SGMS2: variants seen among roughly 807,000 people sequenced by gnomAD.
The protein encoded by SGMS2 is sphingomyelin synthase 2, also known as phosphatidylcholine:ceramide cholinephosphotransferase 2.
In SGMS2, 21 loss-of-function variants were observed where a neutral mutation model predicts 43.8. That is an observed-to-expected ratio of 0.48 (90% CI 0.34 to 0.69). The LOEUF (loss-of-function observed/expected upper bound fraction) is 0.69, where lower values mean the gene tolerates loss of function less well. Ranked by LOEUF, SGMS2 falls within the 30% of genes least tolerant of loss-of-function variation. The pLI is 0.01. For synonymous variants in SGMS2, 167 were observed against 160.6 expected, an observed-to-expected ratio of 1.04 and a Z score of -0.30; for missense variants, 384 against 443.2, an observed-to-expected ratio of 0.87 and a Z score of 1.20.
chr4:107,835,137 G>A (rs927238858), intron 1 of SGMS2, among the ~76,000 whole-genome samples: 8 of 152,194 alleles, frequency 5.3e-5, no homozygotes, highest in Admixed American at 3.3e-4. Flanking sequence ...GTACAATGTA[G>A]CAATAGCACT....
intron 4 of SGMS2, among the ~76,000 whole-genome samples, chr4:107,900,356 T>G (rs1325221100): frequency 6.6e-6 from 1 of 152,156 alleles, no homozygotes; most frequent in Admixed American, 6.5e-5. Flanking sequence ...GGTTGGGGTG[T>G]GCAGACCACA....
chr4:107,871,956 G>C (rs2126059435), intron 2 of SGMS2, among the ~76,000 whole-genome samples: 1 of 151,934 alleles, frequency 6.6e-6, no homozygotes, highest in Middle Eastern at 3.4e-3. Flanking sequence ...AACAGCACTG[G>C]GATGATCAAT....
chr4:107,878,390 T>C (rs1294492531), intron 2 of SGMS2, among the ~76,000 whole-genome samples: 1 of 152,180 alleles, frequency 6.6e-6, no homozygotes, highest in Non-Finnish European at 1.5e-5. Context: ...AAATGCATGA[T>C]ATGCTCCCCA....
intron 5 of SGMS2, chr4:107,908,289 TA>T (rs754687983): frequency 3.8e-5 from 12 of 318,808 alleles, no homozygotes; most frequent in Non-Finnish European, 6.3e-5. Context: ...TCTTTCTTAC[TA>T]AACAGCTTAT....
At chr4:107,849,835 T>C (rs1652325092) in intron 1 of SGMS2, among the ~76,000 whole-genome samples, 1 of 152,210 alleles carries the variant, frequency 6.6e-6, no homozygotes, top group Admixed American at 6.5e-5. Flanking sequence ...ATTATTACAT[T>C]ATTACAATTT....
chr4:107,902,154 G>A (rs1731171359), intron 4 of SGMS2, among the ~76,000 whole-genome samples: 1 of 150,318 alleles, frequency 6.7e-6, no homozygotes, highest in African/African-American at 2.4e-5. Context: ...CCTGACCTCA[G>A]ATACTTACCT....
intron 1 of SGMS2, among the ~76,000 whole-genome samples, chr4:107,829,715 C>G (rs1725780710): frequency 6.6e-6 from 1 of 152,014 alleles, no homozygotes; most frequent in Non-Finnish European, 1.5e-5. Context: ...TTTCACTATA[C>G]CCCATTTACT....
At chr4:107,908,509 A>G in intron 5 of SGMS2, 56 bp from the exon 6 acceptor site, 6 of 1,539,264 alleles carry the variant, frequency 3.9e-6, no homozygotes, top group Non-Finnish European at 5.3e-6. Context: ...ACAGACTGTA[A>G]TCATTACATT....
intron 2 of SGMS2, among the ~76,000 whole-genome samples, chr4:107,861,722 G>A (rs939967544): frequency 6.6e-6 from 1 of 152,178 alleles, no homozygotes; most frequent in African/African-American, 2.4e-5. Flanking sequence ...ACATGTTTAA[G>A]TTGAAAATCT....
chr4:107,841,631 A>G (rs1482371879), intron 1 of SGMS2, among the ~76,000 whole-genome samples: 1 of 151,758 alleles, frequency 6.6e-6, no homozygotes, highest in African/African-American at 2.4e-5. Context: ...AAAATTTTTT[A>G]TTTTTTATGG....
At chr4:107,897,796 A>T (rs1344313712) in intron 3 of SGMS2, among the ~76,000 whole-genome samples, 1 of 152,204 alleles carries the variant, frequency 6.6e-6, no homozygotes, top group Non-Finnish European at 1.5e-5. Context: ...TAACTAGTAG[A>T]ATAATTTTTA....
At chr4:107,867,134 G>A (rs192833877) in intron 2 of SGMS2, 1 of 152,236 alleles carries the variant, frequency 6.6e-6, no homozygotes, top group Admixed American at 6.5e-5. Context: ...ACATGCACAT[G>A]GCCTCCCCAA....
intron 2 of SGMS2, among the ~76,000 whole-genome samples, chr4:107,882,391 T>G (rs932155646): frequency 2.6e-5 from 4 of 152,248 alleles, no homozygotes; most frequent in African/African-American, 9.6e-5. Context: ...TATAGCTGTT[T>G]GCCATCTGTC....
intron 1 of SGMS2, among the ~76,000 whole-genome samples, chr4:107,833,686 A>G (rs1726017014): frequency 6.6e-6 from 1 of 152,186 alleles, no homozygotes; most frequent in South Asian, 2.1e-4. Flanking sequence ...AGCATTTCAG[A>G]TAAGGGATTC....
At chr4:107,829,554 GT>G (rs1283357685) in intron 1 of SGMS2, among the ~76,000 whole-genome samples, 1 of 152,050 alleles carries the variant, frequency 6.6e-6, no homozygotes, top group African/African-American at 2.4e-5. Context: ...TTTATAATTG[GT>G]TTCCCCTCTA....
At chr4:107,860,681 C>T (rs548328554) in intron 2 of SGMS2, among the ~76,000 whole-genome samples, 33 of 152,066 alleles carry the variant, frequency 2.2e-4, no homozygotes, top group African/African-American at 7.7e-4. Context: ...CCCACCATTG[C>T]GCCTGGCTAA....
intron 2 of SGMS2, among the ~76,000 whole-genome samples, chr4:107,883,844 A>T (rs905658713): frequency 6.6e-6 from 1 of 152,220 alleles, no homozygotes; most frequent in African/African-American, 2.4e-5. Flanking sequence ...GCCTATGTAA[A>T]AAATCATTAT....
At chr4:107,867,486 CTG>C (rs1560647840) in intron 2 of SGMS2, 1 of 152,160 alleles carries the variant, frequency 6.6e-6, no homozygotes, top group Non-Finnish European at 1.5e-5. Context: ...CTTTTCTTTG[CTG>C]TAAGAATTCA....
At chr4:107,878,575 T>C (rs947969000) in intron 2 of SGMS2, among the ~76,000 whole-genome samples, 1 of 152,214 alleles carries the variant, frequency 6.6e-6, no homozygotes, top group Non-Finnish European at 1.5e-5. Context: ...CTAGTTAATC[T>C]ACCTACCTAC....
Sources: gnomAD v4.1 joint callset for allele counts (sites outside exome capture counted in the v4.1 genomes callset) on GRCh38, gnomAD v4.1.1 for gene constraint, MANE v1.5 for transcripts, NCBI Gene and HGNC (gene_info 2026-07-23, HGNC 2026-07-21) for gene names.